ZNF239: variants seen among roughly 807,000 people sequenced by gnomAD.
The protein encoded by ZNF239 is zinc finger protein (C2H2) homologous to mouse MOK-2.
ZNF239 carries 16 observed loss-of-function variants against 27.5 expected under a neutral mutation model. The ratio of observed to expected loss-of-function variants is 0.58; its 90% CI spans 0.39 to 0.88. The LOEUF (loss-of-function observed/expected upper bound fraction) is 0.88, where lower values mean the gene tolerates loss of function less well. ZNF239 is among the 40% of genes least tolerant of loss of function. The pLI is 0.00. For synonymous variants in ZNF239, 199 were observed against 192.6 expected (o/e 1.03, Z -0.27); for missense variants, 527 against 551.9 (o/e 0.95, Z 0.45).
intron 2 of ZNF239, among the ~76,000 whole-genome samples, chr10:43,571,596 T>C (rs1588818506): frequency 6.6e-6 from 1 of 152,142 alleles, no homozygotes; most frequent in African/African-American, 2.4e-5. Flanking sequence ...TCTCACTCTG[T>C]TGCCCAGGCT....
intron 3 of ZNF239, among the ~76,000 whole-genome samples, chr10:43,562,693 A>T (rs1040484092): frequency 2.6e-5 from 4 of 152,206 alleles, no homozygotes; most frequent in Admixed American, 2.6e-4. Context: ...GGAAACAGGA[A>T]TGTTTTTACT....
chr10:43,559,275 G>A (rs1208019206), intron 3 of ZNF239, among the ~76,000 whole-genome samples: 1 of 152,152 alleles, frequency 6.6e-6, no homozygotes, highest in African/African-American at 2.4e-5. Flanking sequence ...CTGACTTTGT[G>A]ACAATAAACA....
At chr10:43,569,387 T>C (rs1286492316) in intron 2 of ZNF239, among the ~76,000 whole-genome samples, 2 of 152,188 alleles carry the variant, frequency 1.3e-5, no homozygotes, top group South Asian at 4.1e-4. Context: ...AGGCCAAGCA[T>C]GAAACCCTCC....
intron 2 of ZNF239, among the ~76,000 whole-genome samples, chr10:43,572,584 CCTT>C (rs1299138915): frequency 6.6e-6 from 1 of 152,212 alleles, no homozygotes; most frequent in Non-Finnish European, 1.5e-5. Flanking sequence ...TTATTTCTGG[CCTT>C]CTGCTCTCTG....
chr10:43,558,937 G>A (rs1837012362), intron 3 of ZNF239, among the ~76,000 whole-genome samples: 1 of 152,132 alleles, frequency 6.6e-6, no homozygotes, highest in African/African-American at 2.4e-5. Flanking sequence ...TACAAGAGAT[G>A]TATGCCTAAC....
chr10:43,573,395 G>A (rs1422640229), intron 2 of ZNF239, among the ~76,000 whole-genome samples: 1 of 152,186 alleles, frequency 6.6e-6, no homozygotes, highest in Non-Finnish European at 1.5e-5. Flanking sequence ...GGCTCCCCAG[G>A]AGGGCACAGC....
At position 43,566,722 on chromosome 10, in the gene ZNF239, C is replaced by A. The variant is rs559853686; in HGVS notation, c.-93+1177G>T. On this transcript the variant is annotated intron_variant, in intron 3 of 3. Transcript: ENST00000374446. ...GAACATATTTTTTAATGGCTACATA[C>A]TTTTCTGTGATCCATGATAATTTGC... Among the ~76,000 whole-genome samples the A allele has an allele frequency of 1.3e-4, 20 of 152,280 alleles. No individual in the cohort carries two copies. The South Asian group carries it at 4.1e-3, about 32-fold the overall frequency.
At chr10:43,565,912 A>G (rs3763789) in intron 3 of ZNF239, among the ~76,000 whole-genome samples, 22,948 of 151,608 alleles carry the variant, frequency 0.15, 2,120 homozygotes, top group East Asian at 0.45. Flanking sequence ...CAGAAAAACT[A>G]TGATTTCATG....
chr10:43,561,899 C>T lies in ZNF239; in HGVS notation c.-92-3728G>A, dbSNP rs185869034. Among the ~76,000 whole-genome samples the T allele has an allele frequency of 2.5e-3, 381 of 152,256 alleles. 1 individual carries two copies. The highest frequency in any genetic ancestry group is 8.1e-3 in the African/African-American group (335 of 41,568). On this transcript the variant is annotated intron_variant, in intron 3 of 3. Coordinates refer to ENST00000374446, the MANE Select transcript of ZNF239 (RefSeq NM_001099282.2). ...AAAAATAAACAAAACTCTACAATAA[C>T]AGCACGGAGTCAAAACCCCCCAAAT...
chr10:43,573,754 C>T (rs1057079634), intron 1 of ZNF239, 77 bp from the exon 2 acceptor site: 8 of 587,698 alleles, frequency 1.4e-5, no homozygotes, highest in Non-Finnish European at 1.7e-5. Context: ...AAAGTTACTC[C>T]GCTCCTGCCT....
chr10:43,560,995 T>C (rs1401473245), intron 3 of ZNF239, among the ~76,000 whole-genome samples: 3 of 152,200 alleles, frequency 2.0e-5, no homozygotes, highest in Non-Finnish European at 4.4e-5. Context: ...GTTATGTCAC[T>C]TGTTTCCTAG....
intron 2 of ZNF239, chr10:43,570,943 A>G (rs1405336668): frequency 6.1e-6 from 6 of 985,182 alleles, no homozygotes; most frequent in African/African-American, 3.5e-5. Flanking sequence ...GAGTAGACCA[A>G]ATGAAAAGAA....
At chr10:43,559,116 G>C (rs1212708601) in intron 3 of ZNF239, among the ~76,000 whole-genome samples, 1 of 152,198 alleles carries the variant, frequency 6.6e-6, no homozygotes, top group Non-Finnish European at 1.5e-5. Flanking sequence ...TTACGAAGGA[G>C]ATAAAAACAG....
chr10:43,569,976 T>TCTGA (rs1837930166), intron 2 of ZNF239, among the ~76,000 whole-genome samples: 1 of 152,218 alleles, frequency 6.6e-6, no homozygotes, highest in African/African-American at 2.4e-5. Context: ...AACTCTCAAT[T>TCTGA]TCAGTACTTA....
At chr10:43,565,678 G>A (rs1301350063) in intron 3 of ZNF239, among the ~76,000 whole-genome samples, 3 of 151,844 alleles carry the variant, frequency 2.0e-5, no homozygotes, top group Admixed American at 6.5e-5. Flanking sequence ...AGCCGGGCAT[G>A]GTGGCACGCG....
rs181369874 is a variant in ZNF239, at chr10:43,571,989, C to T, written c.-216+1648G>A. Among the ~76,000 whole-genome samples, 285 of 152,102 alleles carry T rather than the reference C, an allele frequency of 1.9e-3. 3 individuals are homozygous for T. The highest frequency in any genetic ancestry group is 0.01 in the Middle Eastern group (3 of 294). On this transcript the variant is annotated intron_variant, in intron 2 of 3. Transcript: ENST00000374446. Reference sequence around the variant, plus strand: ...ACATAAAGATGGTCAAGCCCAAGACCCTCAGTTTACAGAGAAAAAAACCAC... The same window carrying T: ...ACATAAAGATGGTCAAGCCCAAGACTCTCAGTTTACAGAGAAAAAAACCAC...
Position 43,557,842 on chromosome 10 carries a change from T to A in ZNF239, c.238A>T (p.Lys80Ter). 1 of 1,614,246 alleles carries A rather than the reference T, an allele frequency of 6.2e-7. No homozygotes were observed. Among genetic ancestry groups the A allele is most frequent in the African/African-American group, 1.3e-5 (1 of 75,066 alleles). ...TCCTGAGGCTCATTCTTACAGAACT[T>A]CACTGAAGAGTCTTGTGTGTCTATT... ...SQIDTQDSSVKFCKNEPQDHQ... is the reference protein window; with the variant it reads ...SQIDTQDSSV Residue 80 changes from lysine to a stop codon, truncating the protein, a stop_gained, in exon 4 of 4, where the codon AAG becomes TAG. Transcript: ENST00000374446. LOFTEE classifies it low-confidence loss of function (END_TRUNC).
At chr10:43,567,442 T>G (rs1837747425) in intron 3 of ZNF239, among the ~76,000 whole-genome samples, 1 of 152,080 alleles carries the variant, frequency 6.6e-6, no homozygotes. Flanking sequence ...GGGCAGTAAG[T>G]GAATAGATCA....
chr10:43,557,075 G>A lies in ZNF239; in HGVS notation c.1005C>T (p.His335=), dbSNP rs1474234030. ...CTCCTGTGTGTACTCGCTGGTGGAT[G>A]TGCAGGTTTGAGCGCTGACTGAAGC... ...GMSFSQRSNL[H]IHQRVHTGER... is the part of the protein sequence containing the mutation. The change falls in exon 4 of 4, where the codon CAC becomes CAT. Residue 335 remains histidine (H), a synonymous_variant. Coordinates refer to ENST00000374446, the MANE Select transcript of ZNF239 (RefSeq NM_001099282.2). The A allele has an allele frequency of 6.2e-7, 1 of 1,613,016 alleles. No homozygotes were observed. The highest frequency in any genetic ancestry group is 1.3e-5 in the African/African-American group (1 of 74,492).
Sources: allele counts gnomAD v4.1 joint callset (sites outside exome capture counted in the v4.1 genomes callset), GRCh38; gene constraint gnomAD v4.1.1; transcripts MANE v1.5; gene names NCBI Gene and HGNC (gene_info 2026-07-23, HGNC 2026-07-21).